RBFOX2: variants seen among roughly 807,000 people sequenced by gnomAD.
RBFOX2 encodes the protein RNA binding protein fox-1 homolog 2.
Under a neutral mutation model 49.1 loss-of-function variants are expected in RBFOX2, and 10 were observed. The observed-to-expected ratio is 0.20, with a 90% CI of 0.13 to 0.35. RBFOX2 has a LOEUF of 0.35. Among genes scored for constraint, RBFOX2 ranks in the 10% least tolerant of loss-of-function variants. RBFOX2 has a pLI of 1.00. For synonymous variants in RBFOX2, 183 were observed against 187.4 expected (o/e 0.98, Z 0.19); for missense variants, 323 against 486.9 (o/e 0.66, Z 3.17).
At chr22:35,852,698 AC>A (rs1316061077) in intron 1 of RBFOX2, among the ~76,000 whole-genome samples, 1 of 152,190 alleles carries the variant, frequency 6.6e-6, no homozygotes, top group Non-Finnish European at 1.5e-5. Flanking sequence ...TGATATGAAG[AC>A]TGGAAAATGA....
At chr22:35,908,149 C>A (rs2049335287) in intron 1 of RBFOX2, among the ~76,000 whole-genome samples, 1 of 152,144 alleles carries the variant, frequency 6.6e-6, no homozygotes, top group African/African-American at 2.4e-5. Context: ...TTTAACTTAA[C>A]CATTCTTGAA....
upstream of RBFOX2, among the ~76,000 whole-genome samples, chr22:35,966,127 CA>C (rs1170460626): frequency 1.3e-5 from 2 of 152,180 alleles, no homozygotes; most frequent in African/African-American, 4.8e-5. Context: ...AATGGAATTG[CA>C]CATTATGCAT....
chr22:36,014,989 A>G (rs934276489), intron 1 of RBFOX2, among the ~76,000 whole-genome samples: 4 of 152,374 alleles, frequency 2.6e-5, no homozygotes, highest in Non-Finnish European at 4.4e-5. Flanking sequence ...AGATCTATTC[A>G]GTATCATGAC....
In RBFOX2 at chr22:35,856,512, T is replaced by C. The variant is rs2042526417; in HGVS notation, c.-33-46508A>G. On this transcript the variant is annotated intron_variant, in intron 1 of 13. Transcript: ENST00000359369. ...ATTGCCGAGATTTCTGCCTGAGGTA[T>C]AAATTTGGTTTTAGTCACAGTATTC... 2.6e-5 allele frequency among the ~76,000 whole-genome samples: 4 copies of C among 152,064 alleles called. No individual in the cohort carries two copies. In the South Asian group the frequency reaches 8.3e-4, roughly 32 times the overall value.
At chr22:35,922,512 C>G (rs138382385) in intron 1 of RBFOX2, among the ~76,000 whole-genome samples, 7 of 151,398 alleles carry the variant, frequency 4.6e-5, no homozygotes, top group African/African-American at 1.7e-4. Context: ...GCAGAGGTTG[C>G]AGTCAGCCAA....
At chr22:35,794,585 G>C (rs994045443) in intron 2 of RBFOX2, among the ~76,000 whole-genome samples, 1 of 151,944 alleles carries the variant, frequency 6.6e-6, no homozygotes, top group Admixed American at 6.6e-5. Flanking sequence ...GTGAACCCGG[G>C]AGGCGGAACT....
intron 6 of RBFOX2, among the ~76,000 whole-genome samples, chr22:35,763,612 A>C (rs1033235109): frequency 6.6e-6 from 1 of 152,220 alleles, no homozygotes; most frequent in African/African-American, 2.4e-5. Context: ...GTTGTTAGTA[A>C]TACTTTGAAT....
intron 1 of RBFOX2, among the ~76,000 whole-genome samples, chr22:35,881,731 C>A (rs182836522): frequency 6.6e-6 from 1 of 151,754 alleles, no homozygotes. Context: ...GAGGCCGAGG[C>A]GGGTGGATCA....
upstream of RBFOX2, among the ~76,000 whole-genome samples, chr22:35,942,044 C>A (rs1230650992): frequency 6.6e-6 from 1 of 152,194 alleles, no homozygotes; most frequent in Non-Finnish European, 1.5e-5. Flanking sequence ...TTCACCTCCA[C>A]TAGGGCACAT....
At chr22:35,927,604 C>CAAAA (rs361700) in intron 1 of RBFOX2, among the ~76,000 whole-genome samples, 30 of 49,002 alleles carry the variant, frequency 6.1e-4, no homozygotes, top group African/African-American at 1.1e-3. Context: ...AACTCCGTCT[C>CAAAA]AAAAAAAAAA....
chr22:35,926,434 A>G (rs1189687464), intron 1 of RBFOX2, among the ~76,000 whole-genome samples: 1 of 152,194 alleles, frequency 6.6e-6, no homozygotes, highest in Non-Finnish European at 1.5e-5. Flanking sequence ...TAAACCTCTC[A>G]TTACAATACA....
In RBFOX2 at chr22:35,883,536, C is replaced by G. The variant is rs552616731; in HGVS notation, c.-34+55311G>C. Among the ~76,000 whole-genome samples, 265 of 152,302 alleles carry G rather than the reference C, an allele frequency of 1.7e-3. 2 individuals carry two copies. Among genetic ancestry groups the G allele is most frequent in the Non-Finnish European group, 2.8e-3 (190 of 68,034 alleles). ...GGAGTGGCTCTTGAATTGATCTTTG[C>G]CGTGTCTCAATTTCATCACCCTCTG... On this transcript the variant is annotated intron_variant, in intron 1 of 13. Transcript: ENST00000359369.
At chr22:35,809,055 T>TA (rs573632268) in intron 2 of RBFOX2, among the ~76,000 whole-genome samples, 6,794 of 136,168 alleles carry the variant, frequency 0.05, 447 homozygotes, top group African/African-American at 0.15. Flanking sequence ...GCATTTGCAT[T>TA]AAAAAAAAAA....
chr22:35,821,820 G>C (rs368792825), intron 1 of RBFOX2: 23 of 518,746 alleles, frequency 4.4e-5, no homozygotes, highest in Non-Finnish European at 8.9e-5. Flanking sequence ...GTAGGACCTG[G>C]CCTCCTCTCC....
exon 12 of RBFOX2, chr22:35,741,932 G>T (rs1930164354): frequency 6.6e-6 from 1 of 152,350 alleles, no homozygotes; most frequent in African/African-American, 2.4e-5. Context: ...TGAATACGTG[G>T]CTTGCCATCT....
intron 1 of RBFOX2, among the ~76,000 whole-genome samples, chr22:35,976,541 T>G (rs753575549): frequency 3.3e-5 from 5 of 152,208 alleles, no homozygotes; most frequent in Non-Finnish European, 7.3e-5. Flanking sequence ...TCCAACATTT[T>G]TATATATGAA....
intron 1 of RBFOX2, among the ~76,000 whole-genome samples, chr22:35,865,357 T>C (rs1047403576): frequency 4.6e-5 from 7 of 152,198 alleles, no homozygotes; most frequent in African/African-American, 1.2e-4. Flanking sequence ...AAAACAATCA[T>C]AGTTGGTAAC....
chr22:35,746,798 T>C (rs1432546975), intron 9 of RBFOX2: 1 of 376,696 alleles, frequency 2.7e-6, no homozygotes, highest in Non-Finnish European at 4.7e-6. Flanking sequence ...GTGATAGTAT[T>C]AAAAGTAAAG....
chr22:35,984,082 T>C (rs1398273250), intron 1 of RBFOX2, among the ~76,000 whole-genome samples: 2 of 152,152 alleles, frequency 1.3e-5, no homozygotes, highest in African/African-American at 2.4e-5. Context: ...TCCCTCCTTA[T>C]ACCTCAACAA....
Sources: gnomAD v4.1 joint callset for allele counts (sites outside exome capture counted in the v4.1 genomes callset) on GRCh38, gnomAD v4.1.1 for gene constraint, MANE v1.5 for transcripts, NCBI Gene and HGNC (gene_info 2026-07-23, HGNC 2026-07-21) for gene names.